CDH8: variants seen among roughly 807,000 people sequenced by gnomAD.
CDH8 encodes the protein cadherin-8.
A neutral mutation model predicts 68.1 loss-of-function variants in CDH8; 17 were observed. The ratio of observed to expected loss-of-function variants is 0.25; its 90% confidence interval spans 0.17 to 0.37. The LOEUF is 0.37. CDH8 is among the 10% of genes least tolerant of loss of function. The probability of loss-of-function intolerance (pLI) is 1.00; values close to 1 mark genes in which losing one functional copy is unlikely to be tolerated. For missense variants in CDH8, 763 were observed against 999.3 expected (o/e 0.76, Z 3.19); for synonymous variants, 372 against 365.1 (o/e 1.02, Z -0.21).
chr16:61,830,801 G>T (rs1369189954), intron 4 of CDH8, among the ~76,000 whole-genome samples: 1 of 151,758 alleles, frequency 6.6e-6, no homozygotes, highest in South Asian at 2.1e-4. Context: ...GTGAATATTT[G>T]ATAAATAACC....
intron 2 of CDH8, among the ~76,000 whole-genome samples, chr16:61,906,733 A>C (rs911271125): frequency 6.6e-6 from 1 of 152,118 alleles, no homozygotes; most frequent in African/African-American, 2.4e-5. Flanking sequence ...AAGAAAGGAG[A>C]TTTTTCCATT....
intron 4 of CDH8, among the ~76,000 whole-genome samples, chr16:61,840,604 GA>G (rs1962663831): frequency 6.6e-6 from 1 of 152,128 alleles, no homozygotes; most frequent in Admixed American, 6.6e-5. Context: ...AAAGGAACAA[GA>G]TGATGTCTTT....
At chr16:61,931,249 G>A (rs1035290469) in intron 2 of CDH8, among the ~76,000 whole-genome samples, 3 of 152,108 alleles carry the variant, frequency 2.0e-5, no homozygotes, top group East Asian at 1.9e-4. Context: ...CTGTCATCTC[G>A]AACTCCTGGG....
chr16:61,772,280 G>A (rs1322920845), intron 8 of CDH8, among the ~76,000 whole-genome samples: 2 of 152,002 alleles, frequency 1.3e-5, no homozygotes, highest in African/African-American at 4.8e-5. Flanking sequence ...GCTGTGGAAA[G>A]GTTGGGCCAT....
chr16:61,738,574 T>C (rs1168062170), intron 8 of CDH8, among the ~76,000 whole-genome samples: 1 of 152,172 alleles, frequency 6.6e-6, no homozygotes, highest in East Asian at 1.9e-4. Flanking sequence ...CCTTTCTTTA[T>C]ATTTCATAAA....
At chr16:61,821,243 A>G in intron 5 of CDH8, 130 bp from the exon 6 acceptor site, 1 of 583,024 alleles carries the variant, frequency 1.7e-6, no homozygotes, top group Non-Finnish European at 2.9e-6. Context: ...AGTGATAGAA[A>G]AGACAGAAAT....
intron 1 of CDH8, among the ~76,000 whole-genome samples, chr16:62,032,926 G>A (rs1336353485): frequency 6.6e-6 from 1 of 152,076 alleles, no homozygotes; most frequent in African/African-American, 2.4e-5. Flanking sequence ...TGAAGTGTGG[G>A]TTTGAACTTT....
intron 4 of CDH8, among the ~76,000 whole-genome samples, chr16:61,826,033 A>G (rs1267603400): frequency 6.6e-6 from 1 of 151,714 alleles, no homozygotes; most frequent in Non-Finnish European, 1.5e-5. Flanking sequence ...TTAGCTCTCT[A>G]CCTCCACATA....
intron 8 of CDH8, among the ~76,000 whole-genome samples, chr16:61,755,596 G>T (rs1049201149): frequency 4.0e-5 from 6 of 151,882 alleles, no homozygotes; most frequent in African/African-American, 1.5e-4. Flanking sequence ...TTTATACAGT[G>T]GCTGTGTGCC....
At chr16:61,817,817 T>G in intron 6 of CDH8, 85 bp from the exon 7 acceptor site, 1 of 1,357,188 alleles carries the variant, frequency 7.4e-7, no homozygotes, top group South Asian at 1.5e-5. Context: ...TGGATGAAAG[T>G]TATGTGCATT....
At chr16:61,793,999 T>C (rs1160481017) in intron 7 of CDH8, among the ~76,000 whole-genome samples, 1 of 152,114 alleles carries the variant, frequency 6.6e-6, no homozygotes, top group African/African-American at 2.4e-5. Context: ...TTTTGGAATA[T>C]ACTGATTTGA....
chr16:61,694,011 C>G (rs561669059), intron 10 of CDH8, among the ~76,000 whole-genome samples: 1 of 152,244 alleles, frequency 6.6e-6, no homozygotes, highest in East Asian at 1.9e-4. Context: ...ATAGGCATTA[C>G]TAACCCCACC....
intron 8 of CDH8, among the ~76,000 whole-genome samples, chr16:61,788,644 T>G (rs1299545873): frequency 6.6e-6 from 1 of 151,938 alleles, no homozygotes; most frequent in East Asian, 1.9e-4. Flanking sequence ...AGCTATTGTT[T>G]AGAGACTCCA....
intron 7 of CDH8, among the ~76,000 whole-genome samples, chr16:61,793,033 C>G (rs924984965): frequency 6.6e-6 from 1 of 151,808 alleles, no homozygotes; most frequent in Non-Finnish European, 1.5e-5. Context: ...GTGGGGCTTT[C>G]AGGAGGTGAT....
rs141892235 is a variant in CDH8 at position 61,996,846 on chromosome 16, A to G, written c.252+24306T>C. ...TACTCCGACCTCACTCAGCCTCTCA[A>G]AGCGCTGGGATTACAGGCATGAAAC... On this transcript the variant is annotated intron_variant, in intron 2 of 11. Coordinates refer to ENST00000577390, the MANE Select transcript of CDH8 (RefSeq NM_001796.5). Among the ~76,000 whole-genome samples the G allele has an allele frequency of 3.3e-3, 507 of 152,288 alleles. 5 individuals are homozygous for G. Among genetic ancestry groups the G allele is most frequent in the African/African-American group, 0.011 (441 of 41,562 alleles).
chr16:61,792,950 T>C (rs1263286993), intron 7 of CDH8, among the ~76,000 whole-genome samples: 1 of 152,010 alleles, frequency 6.6e-6, no homozygotes, highest in Non-Finnish European at 1.5e-5. Flanking sequence ...CAACATTCTA[T>C]GATTTGAATG....
intron 10 of CDH8, among the ~76,000 whole-genome samples, chr16:61,670,027 C>A (rs1963758925): frequency 6.6e-6 from 1 of 152,062 alleles, no homozygotes; most frequent in Non-Finnish European, 1.5e-5. Context: ...ATCTCAGATT[C>A]AATCGTTCAA....
At chr16:61,903,909 C>A (rs1321577085) in intron 2 of CDH8, among the ~76,000 whole-genome samples, 1 of 151,754 alleles carries the variant, frequency 6.6e-6, no homozygotes, top group Admixed American at 6.6e-5. Flanking sequence ...AAAGTAAATT[C>A]TCAAGACTCC....
At chr16:61,799,729 CA>C (rs1470628846) in intron 7 of CDH8, among the ~76,000 whole-genome samples, 1 of 151,846 alleles carries the variant, frequency 6.6e-6, no homozygotes, top group Non-Finnish European at 1.5e-5. Context: ...GCATGCACAC[CA>C]AAATTAATTT....
Sources: allele counts gnomAD v4.1 joint callset (sites outside exome capture counted in the v4.1 genomes callset), GRCh38; gene constraint gnomAD v4.1.1; transcripts MANE v1.5; gene names NCBI Gene and HGNC (gene_info 2026-07-23, HGNC 2026-07-21).